NRG2: variants seen among roughly 807,000 people sequenced by gnomAD.
NRG2 encodes pro-neuregulin-2, membrane-bound isoform.
Under a neutral mutation model 73.9 loss-of-function variants are expected in NRG2, and 27 were observed. The ratio of observed to expected loss-of-function variants is 0.37; its 90% CI spans 0.27 to 0.50. The LOEUF is 0.50. Ranked by LOEUF, NRG2 falls within the 20% of genes least tolerant of loss-of-function variation. NRG2 has a pLI of 0.96. For missense variants in NRG2, 1,126 were observed against 1,210.1 expected (o/e 0.93, Z 1.03); for synonymous variants, 532 against 541.0 (o/e 0.98, Z 0.23).
At chr5:140,025,498 C>T (rs1302550586) in intron 1 of NRG2, among the ~76,000 whole-genome samples, 1 of 152,052 alleles carries the variant, frequency 6.6e-6, no homozygotes, top group African/African-American at 2.4e-5. Context: ...TGAAGTTGAT[C>T]GAGATACAGT....
intron 1 of NRG2, among the ~76,000 whole-genome samples, chr5:139,948,277 G>A (rs1039795092): frequency 2.6e-5 from 4 of 152,152 alleles, no homozygotes; most frequent in African/African-American, 9.7e-5. Context: ...TAGTCAGAAC[G>A]GAACCAGTCT....
At chr5:140,013,609 C>T (rs544273400) in intron 1 of NRG2, among the ~76,000 whole-genome samples, 7 of 152,310 alleles carry the variant, frequency 4.6e-5, no homozygotes, top group African/African-American at 1.7e-4. Flanking sequence ...AGCTACCACC[C>T]TACTCCTTTG....
chr5:140,004,370 C>T (rs890695312), intron 1 of NRG2, among the ~76,000 whole-genome samples: 9 of 152,036 alleles, frequency 5.9e-5, no homozygotes, highest in African/African-American at 1.7e-4. Context: ...AAATTAGTGG[C>T]CAAAGTTGGA....
intron 1 of NRG2, among the ~76,000 whole-genome samples, chr5:139,945,072 AC>A (rs1159414134): frequency 1.3e-5 from 2 of 151,872 alleles, no homozygotes; most frequent in African/African-American, 4.8e-5. Context: ...ATCTGTTCAG[AC>A]CATTTTTGCC....
At chr5:139,999,685 T>C (rs1329398819) in intron 1 of NRG2, among the ~76,000 whole-genome samples, 2 of 152,230 alleles carry the variant, frequency 1.3e-5, no homozygotes, top group African/African-American at 4.8e-5. Flanking sequence ...CGGTCCCTCC[T>C]GGAAGAACAG....
intron 1 of NRG2, among the ~76,000 whole-genome samples, chr5:140,025,373 T>C (rs773179655): frequency 7.9e-5 from 12 of 152,188 alleles, no homozygotes; most frequent in Non-Finnish European, 1.2e-4. Context: ...CCAGGCTATG[T>C]TCCTTGGGCA....
chr5:139,947,548 A>G (rs967527140), intron 1 of NRG2, among the ~76,000 whole-genome samples: 9 of 152,184 alleles, frequency 5.9e-5, no homozygotes, highest in Admixed American at 2.6e-4. Context: ...ACATTTGTGT[A>G]CAAGTTTTTG....
chr5:139,852,580 C>A lies in NRG2; in HGVS notation c.1417-21G>T. 1 of 1,609,786 alleles carries A rather than the reference C, an allele frequency of 6.2e-7. No individual in the cohort carries two copies. The highest frequency in any genetic ancestry group is 1.1e-5 in the South Asian group (1 of 90,054). ...ATATACTGGAACAGACAGAGTTGGG[C>A]GAGAGTTAGTGACTGGGGCCCAAAT... On this transcript the variant is annotated intron_variant, in intron 7 of 9. Coordinates refer to ENST00000361474, the MANE Select transcript of NRG2 (RefSeq NM_004883.3). The surrounding 1 kb of genome is among the most constrained non-coding windows in gnomAD (Gnocchi z 4.4).
intron 1 of NRG2, among the ~76,000 whole-genome samples, chr5:139,991,090 A>G (rs1757591676): frequency 6.6e-6 from 1 of 152,128 alleles, no homozygotes; most frequent in African/African-American, 2.4e-5. Flanking sequence ...CCTGGCCAAG[A>G]TGGTGAAACC....
At position 139,894,301 on chromosome 5, in the gene NRG2, C is replaced by G. The variant is rs1371558527; in HGVS notation, c.701-6790G>C. Among the ~76,000 whole-genome samples the G allele has an allele frequency of 1.3e-5, 2 of 152,154 alleles. No homozygotes were observed. Among genetic ancestry groups the G allele is most frequent in the East Asian group, 3.9e-4 (2 of 5,186 alleles). On this transcript the variant is annotated intron_variant, in intron 1 of 9. Coordinates refer to ENST00000361474, the MANE Select transcript of NRG2 (RefSeq NM_004883.3). This position sits in a 1 kb window ranked among gnomAD's most constrained non-coding sequence, Gnocchi z 5.0. ...AGCAGTTCCCTTTGCAGGGCAACACCTGGAGACAATGTGGCCAGCCTGCCT... is the reference window on the plus strand; with the variant it reads ...AGCAGTTCCCTTTGCAGGGCAACACGTGGAGACAATGTGGCCAGCCTGCCT...
intron 1 of NRG2, among the ~76,000 whole-genome samples, chr5:139,997,160 TA>T (rs1758084079): frequency 6.6e-6 from 1 of 151,270 alleles, no homozygotes; most frequent in Non-Finnish European, 1.5e-5. Context: ...AATAAATAAA[TA>T]AAAAATGGAA....
intron 1 of NRG2, among the ~76,000 whole-genome samples, chr5:139,912,138 T>C: frequency 6.6e-6 from 1 of 152,100 alleles, no homozygotes; most frequent in East Asian, 1.9e-4. Flanking sequence ...GCTGCAGGGG[T>C]CAGCATCCAT....
intron 1 of NRG2, among the ~76,000 whole-genome samples, chr5:140,017,409 A>G (rs1001024257): frequency 3.3e-5 from 5 of 152,148 alleles, no homozygotes; most frequent in Non-Finnish European, 4.4e-5. Context: ...CTCTCCAACA[A>G]CTCCGTAGTT....
At chr5:139,957,458 G>A (rs1178296887) in intron 1 of NRG2, among the ~76,000 whole-genome samples, 1 of 152,148 alleles carries the variant, frequency 6.6e-6, no homozygotes, top group Non-Finnish European at 1.5e-5. Context: ...ATACAGGTAA[G>A]GCAGCTGGGA....
At chr5:140,039,757 A>G (rs1761776053) in intron 1 of NRG2, among the ~76,000 whole-genome samples, 1 of 152,138 alleles carries the variant, frequency 6.6e-6, no homozygotes, top group African/African-American at 2.4e-5. Flanking sequence ...CAGAACCTAC[A>G]CACACTCAGA....
At chr5:139,893,022 AT>A (rs1440537178) in intron 1 of NRG2, among the ~76,000 whole-genome samples, 1 of 152,350 alleles carries the variant, frequency 6.6e-6, no homozygotes, top group East Asian at 1.9e-4. Flanking sequence ...GTTTTGTTAC[AT>A]AAGAAATTTT....
At chr5:139,859,260 C>T (rs1005534572) in intron 5 of NRG2, among the ~76,000 whole-genome samples, 1 of 152,122 alleles carries the variant, frequency 6.6e-6, no homozygotes, top group Admixed American at 6.5e-5. Flanking sequence ...GCCAGCCCCA[C>T]CCAGACCCTG....
intron 1 of NRG2, among the ~76,000 whole-genome samples, chr5:140,040,569 A>G (rs1343323539): frequency 6.6e-6 from 1 of 152,222 alleles, no homozygotes; most frequent in African/African-American, 2.4e-5. Context: ...TCTGACAAAG[A>G]CCATCAAGTC....
chr5:140,000,123 G>A (rs952493970), intron 1 of NRG2, among the ~76,000 whole-genome samples: 7 of 152,074 alleles, frequency 4.6e-5, no homozygotes, highest in African/African-American at 1.2e-4. Flanking sequence ...ACCTATAAAC[G>A]CCCACAGATT....
Sources: gnomAD v4.1 joint callset for allele counts (sites outside exome capture counted in the v4.1 genomes callset) on GRCh38, gnomAD v4.1.1 for gene constraint, Gnocchi (gnomAD v3.1) non-coding constraint, MANE v1.5 for transcripts, NCBI Gene and HGNC (gene_info 2026-07-23, HGNC 2026-07-21) for gene names.